PRKCA: variants seen among roughly 807,000 people sequenced by gnomAD.
The protein encoded by PRKCA is protein kinase C alpha.
A neutral mutation model predicts 87.0 loss-of-function variants in PRKCA; 27 were observed. The ratio of observed to expected loss-of-function variants is 0.31; its 90% CI spans 0.23 to 0.43. The LOEUF is 0.43. PRKCA is among the 20% of genes least tolerant of loss of function. The pLI is 1.00. For synonymous variants in PRKCA, 329 were observed against 311.1 expected, an observed-to-expected ratio of 1.06 and a Z score of -0.61; for missense variants, 518 against 852.3, an observed-to-expected ratio of 0.61 and a Z score of 4.88.
At chr17:66,587,535 T>G (rs1239754152) in intron 3 of PRKCA, among the ~76,000 whole-genome samples, 1 of 152,000 alleles carries the variant, frequency 6.6e-6, no homozygotes, top group Non-Finnish European at 1.5e-5. Flanking sequence ...GGAGGACAGC[T>G]AGATTGCTTC....
intron 2 of PRKCA, among the ~76,000 whole-genome samples, chr17:66,387,421 G>C (rs1433659687): frequency 6.6e-6 from 1 of 152,144 alleles, no homozygotes; most frequent in Non-Finnish European, 1.5e-5. Context: ...GGCAGCTGAG[G>C]GACTCTTGAC....
intron 13 of PRKCA, among the ~76,000 whole-genome samples, chr17:66,757,883 C>G (rs968755883): frequency 6.6e-6 from 1 of 152,144 alleles, no homozygotes; most frequent in African/African-American, 2.4e-5. Flanking sequence ...CACCACCATG[C>G]CTGGCTAATG....
rs1975576485 is a variant in PRKCA at position 66,792,994 on chromosome 17, A to G, written c.1854+4015A>G. On this transcript the variant is annotated intron_variant, in intron 16 of 16. Transcript: ENST00000413366. This position sits in a 1 kb window ranked among gnomAD's most constrained non-coding sequence, Gnocchi z 4.5. ...ACCGTGAAGATGATGATTTTCTGGA[A>G]GATGGGACAATCACTTCTCAGGGAT... 6.6e-6 allele frequency among the ~76,000 whole-genome samples: 1 copy of G among 152,234 alleles called. No individual in the cohort carries two copies. Among genetic ancestry groups the G allele is most frequent in the Non-Finnish European group, 1.5e-5 (1 of 68,034 alleles).
intron 3 of PRKCA, among the ~76,000 whole-genome samples, chr17:66,595,287 C>T (rs1969937142): frequency 6.6e-6 from 1 of 152,024 alleles, no homozygotes; most frequent in South Asian, 2.1e-4. Flanking sequence ...TTCACCTTGG[C>T]CCCCCAAAAT....
chr17:66,395,091 G>A (rs953080832), intron 2 of PRKCA, among the ~76,000 whole-genome samples: 1 of 152,124 alleles, frequency 6.6e-6, no homozygotes, highest in African/African-American at 2.4e-5. Context: ...TAGTTGCTAA[G>A]TATAGTTCTT....
At chr17:66,369,122 A>C (rs992204453) in intron 2 of PRKCA, among the ~76,000 whole-genome samples, 1 of 152,250 alleles carries the variant, frequency 6.6e-6, no homozygotes, top group African/African-American at 2.4e-5. Flanking sequence ...CAGATAATAC[A>C]GCTTATAATT....
intron 5 of PRKCA, among the ~76,000 whole-genome samples, chr17:66,664,634 T>C (rs200658614): frequency 0.14 from 20,471 of 147,332 alleles, 1,708 homozygotes; most frequent in East Asian, 0.28. Flanking sequence ...TTTGGGGTTT[T>C]TGTTTTGCTT....
chr17:66,587,294 G>A (rs1221264009), intron 3 of PRKCA, among the ~76,000 whole-genome samples: 1 of 152,126 alleles, frequency 6.6e-6, no homozygotes, highest in Non-Finnish European at 1.5e-5. Context: ...TTGATGTGCA[G>A]TGTTACTGTA....
At chr17:66,585,414 A>G (rs1969563158) in intron 3 of PRKCA, among the ~76,000 whole-genome samples, 1 of 152,212 alleles carries the variant, frequency 6.6e-6, no homozygotes, top group Non-Finnish European at 1.5e-5. Context: ...TCTGCTAGAA[A>G]AGAAATGATC....
chr17:66,732,252 G>A (rs1973920281), intron 8 of PRKCA, among the ~76,000 whole-genome samples: 1 of 152,008 alleles, frequency 6.6e-6, no homozygotes, highest in Non-Finnish European at 1.5e-5. Flanking sequence ...CCCTTTTGGT[G>A]TGGGTACAAG....
chr17:66,498,651 A>G (rs1916588316), intron 3 of PRKCA, among the ~76,000 whole-genome samples: 1 of 152,200 alleles, frequency 6.6e-6, no homozygotes, highest in East Asian at 1.9e-4. Flanking sequence ...ACTAATTCAA[A>G]TAGGATACAG....
At chr17:66,315,362 A>G (rs544964181) in intron 2 of PRKCA, among the ~76,000 whole-genome samples, 2 of 152,320 alleles carry the variant, frequency 1.3e-5, no homozygotes, top group Admixed American at 6.5e-5. Context: ...TCCAGATGCC[A>G]TGCTGTTAAG....
intron 8 of PRKCA, among the ~76,000 whole-genome samples, chr17:66,710,291 C>G (rs1455207568): frequency 6.6e-6 from 1 of 152,104 alleles, no homozygotes; most frequent in Admixed American, 6.5e-5. Context: ...GGGTCACCGT[C>G]TGTCTGCTGT....
At chr17:66,779,184 C>T (rs973974284) in intron 14 of PRKCA, among the ~76,000 whole-genome samples, 1 of 152,154 alleles carries the variant, frequency 6.6e-6, no homozygotes, top group Non-Finnish European at 1.5e-5. Flanking sequence ...GGGTTTTGGT[C>T]TAAGTTTGTC....
intron 2 of PRKCA, among the ~76,000 whole-genome samples, chr17:66,481,012 A>G (rs1915754636): frequency 6.6e-6 from 1 of 151,994 alleles, no homozygotes; most frequent in Non-Finnish European, 1.5e-5. Context: ...GTGTTACCGC[A>G]GAACGCTGCC....
chr17:66,388,813 G>A lies in PRKCA; in HGVS notation c.205+82686G>A, dbSNP rs532712796. Among the ~76,000 whole-genome samples the A allele has an allele frequency of 2.6e-5, 4 of 152,258 alleles. No individual in the cohort carries two copies. In the South Asian group the frequency reaches 8.3e-4, roughly 32 times the overall value. The stretch of plus-strand genomic sequence containing the variant: ...TCGTGGAGAGACGGCACTTGTGTGG[G>A]TCACAGAGTTGGAGACAGTGTACCA... On this transcript the variant is annotated intron_variant, in intron 2 of 16. Coordinates refer to ENST00000413366, the MANE Select transcript of PRKCA (RefSeq NM_002737.3).
At chr17:66,772,626 G>A (rs910536609) in intron 13 of PRKCA, among the ~76,000 whole-genome samples, 1 of 152,184 alleles carries the variant, frequency 6.6e-6, no homozygotes, top group Non-Finnish European at 1.5e-5. Context: ...TCTGGGAATT[G>A]TGTGCAGCAG....
At chr17:66,784,331 C>T (rs372187372) in intron 14 of PRKCA, among the ~76,000 whole-genome samples, 10 of 152,206 alleles carry the variant, frequency 6.6e-5, no homozygotes, top group African/African-American at 2.2e-4. Context: ...GTGCAACTTC[C>T]GCCTCCTGGG....
intron 16 of PRKCA, among the ~76,000 whole-genome samples, chr17:66,794,412 G>A (rs1364269294): frequency 6.6e-6 from 1 of 151,204 alleles, no homozygotes; most frequent in Non-Finnish European, 1.5e-5. Context: ...CTTGTTTAGA[G>A]AGCTTGATGA....
Sources: allele counts gnomAD v4.1 joint callset (sites outside exome capture counted in the v4.1 genomes callset), GRCh38; gene constraint gnomAD v4.1.1; non-coding constraint Gnocchi (gnomAD v3.1); transcripts MANE v1.5; gene names NCBI Gene and HGNC (gene_info 2026-07-23, HGNC 2026-07-21).